The following PPARG variants were observed in gnomAD, a reference collection of about 807,000 sequenced individuals.
The protein encoded by PPARG is peroxisome proliferator-activated receptor gamma.
Under a neutral mutation model 39.2 loss-of-function variants are expected in PPARG, and 17 were observed. The observed-to-expected ratio is 0.43, with a 90% CI of 0.30 to 0.65. The LOEUF is 0.65. Ranked by LOEUF, PPARG falls within the 30% of genes least tolerant of loss-of-function variation. The pLI, the probability that PPARG is intolerant of heterozygous loss-of-function variation, is 0.13. For synonymous variants in PPARG, 223 were observed against 215.7 expected (o/e 1.03, Z -0.30); for missense variants, 406 against 585.9 (o/e 0.69, Z 3.17).
intron 2 of PPARG, among the ~76,000 whole-genome samples, chr3:12,369,511 ATAACT>A (rs1281614478): frequency 2.0e-5 from 3 of 152,174 alleles, no homozygotes; most frequent in African/African-American, 7.2e-5. Flanking sequence ...TATAATAATA[ATAACT>A]TATACTATTA....
chr3:12,352,852 C>T (rs2048531664), intron 2 of PPARG, among the ~76,000 whole-genome samples: 2 of 151,984 alleles, frequency 1.3e-5, no homozygotes, highest in African/African-American at 2.4e-5. Context: ...TGTTTTATTC[C>T]ATAAATTGTT....
intron 2 of PPARG, among the ~76,000 whole-genome samples, chr3:12,357,712 C>T (rs906878214): frequency 6.6e-6 from 1 of 152,172 alleles, no homozygotes; most frequent in African/African-American, 2.4e-5. Flanking sequence ...TTCCAAATAC[C>T]TGAATAGTAT....
intron 2 of PPARG, chr3:12,372,096 A>C: frequency 1.4e-6 from 1 of 721,798 alleles, no homozygotes; most frequent in Non-Finnish European, 2.6e-6. Context: ...CAAAGGACCT[A>C]TGAAAGGCTT....
intron 2 of PPARG, among the ~76,000 whole-genome samples, chr3:12,353,984 T>C (rs913948388): frequency 1.3e-5 from 2 of 152,204 alleles, no homozygotes; most frequent in African/African-American, 4.8e-5. Flanking sequence ...CACTTGTCCT[T>C]TGGAGCTGAT....
In PPARG at chr3:12,308,073, G is replaced by T. The variant is rs77485859; in HGVS notation, c.-82-4307G>T. ...GACTAAAATAGTCATCATAAGGTAG[G>T]ATAATAGGAGGCCGTGCACAGTGAC... On this transcript the variant is annotated intron_variant, in intron 1 of 7. Coordinates refer to ENST00000651735, the MANE Select transcript of PPARG (RefSeq NM_138711.6). Among the ~76,000 whole-genome samples, 106 of 152,102 alleles carry T rather than the reference G, an allele frequency of 7.0e-4. 1 individual carries two copies. The South Asian group carries it at 0.014, about 19-fold the overall frequency.
chr3:12,302,681 A>G (rs2046958741), intron 1 of PPARG, among the ~76,000 whole-genome samples: 1 of 152,216 alleles, frequency 6.6e-6, no homozygotes, highest in African/African-American at 2.4e-5. Flanking sequence ...GTGAGTAGTG[A>G]GAAACATGGT....
At chr3:12,352,834 A>AG (rs992968245) in intron 2 of PPARG, among the ~76,000 whole-genome samples, 1 of 152,192 alleles carries the variant, frequency 6.6e-6, no homozygotes, top group Non-Finnish European at 1.5e-5. Flanking sequence ...CCTCTTAACT[A>AG]GGAGTTTTGT....
chr3:12,403,138 T>C (rs1462526816), intron 5 of PPARG, among the ~76,000 whole-genome samples: 1 of 151,272 alleles, frequency 6.6e-6, no homozygotes, highest in African/African-American at 2.4e-5. Context: ...ACAAAAAAAT[T>C]AAAAATTAGC....
intron 4 of PPARG, among the ~76,000 whole-genome samples, chr3:12,388,124 A>G (rs989549890): frequency 5.9e-5 from 9 of 152,184 alleles, no homozygotes; most frequent in Non-Finnish European, 7.3e-5. Context: ...ACATTTATCA[A>G]TGAGAACAGT....
chr3:12,402,671 T>C (rs1278329832), intron 5 of PPARG, among the ~76,000 whole-genome samples: 1 of 152,150 alleles, frequency 6.6e-6, no homozygotes, highest in African/African-American at 2.4e-5. Flanking sequence ...ATACTCCTAA[T>C]TGAGTGGATG....
At chr3:12,429,299 G>A (rs201155363) in intron 7 of PPARG, among the ~76,000 whole-genome samples, 3 of 152,098 alleles carry the variant, frequency 2.0e-5, no homozygotes, top group Admixed American at 2.0e-4. Context: ...ACACTGCACC[G>A]GAGCCAAGTG....
intron 2 of PPARG, among the ~76,000 whole-genome samples, chr3:12,340,406 T>G (rs2048149318): frequency 6.6e-6 from 1 of 152,224 alleles, no homozygotes; most frequent in Non-Finnish European, 1.5e-5. Flanking sequence ...CTGAATTAAG[T>G]CTGAATTTTA....
At chr3:12,429,361 C>T (rs192816131) in intron 7 of PPARG, among the ~76,000 whole-genome samples, 133 of 152,110 alleles carry the variant, frequency 8.7e-4, no homozygotes, top group Non-Finnish European at 1.4e-3. Flanking sequence ...GTATGATAAA[C>T]GGGACCTAGT....
At chr3:12,344,389 G>A (rs2048270593) in intron 2 of PPARG, among the ~76,000 whole-genome samples, 1 of 78,504 alleles carries the variant, frequency 1.3e-5, no homozygotes, top group African/African-American at 5.1e-5. Flanking sequence ...AATAAAGATT[G>A]TTAGAGACAA....
At chr3:12,414,340 T>C (rs1296776896) in intron 6 of PPARG, among the ~76,000 whole-genome samples, 2 of 152,108 alleles carry the variant, frequency 1.3e-5, no homozygotes, top group Non-Finnish European at 2.9e-5. Context: ...AGGCTAGTTG[T>C]GGTGGCTCAC....
intron 2 of PPARG, among the ~76,000 whole-genome samples, chr3:12,379,306 G>A (rs2049534908): frequency 6.6e-6 from 1 of 152,004 alleles, no homozygotes; most frequent in Non-Finnish European, 1.5e-5. Flanking sequence ...TGCCTGGCCT[G>A]TATACCTTAA....
intron 4 of PPARG, 87 bp downstream of exon 4, chr3:12,381,578 T>C: frequency 7.2e-7 from 1 of 1,395,214 alleles, no homozygotes; most frequent in Non-Finnish European, 1.0e-6. Flanking sequence ...ATACAATATA[T>C]GAATTTTTTT....
At position 12,322,795 on chromosome 3, in the gene PPARG, T is replaced by C. The variant is rs116544746; in HGVS notation, c.-9+10342T>C. ...CAAGTGAAACAGAGTTGGGTTTTTT[T>C]GTTTGTTTGTTTGTTTGTTTTTTTC... On this transcript the variant is annotated intron_variant, in intron 2 of 7. Coordinates refer to ENST00000651735, the MANE Select transcript of PPARG (RefSeq NM_138711.6). 5.2e-3 allele frequency among the ~76,000 whole-genome samples: 789 copies of C among 152,062 alleles called. 10 individuals are homozygous for C. Among genetic ancestry groups the C allele is most frequent in the African/African-American group, 0.018 (751 of 41,484 alleles).
intron 5 of PPARG, chr3:12,399,550 G>A (rs2050389759): frequency 3.4e-6 from 1 of 295,928 alleles, no homozygotes; most frequent in African/African-American, 2.3e-5. Context: ...TCACACTACT[G>A]TGCTCCAGCC....
Sources: gnomAD v4.1 joint callset for allele counts (sites outside exome capture counted in the v4.1 genomes callset) on GRCh38, gnomAD v4.1.1 for gene constraint, MANE v1.5 for transcripts, NCBI Gene and HGNC (gene_info 2026-07-23, HGNC 2026-07-21) for gene names.